Variants in NUBPL observed in about 807,000 individuals in gnomAD.
The protein encoded by NUBPL is iron-sulfur cluster transfer protein NUBPL.
Under a neutral mutation model 45.7 loss-of-function variants are expected in NUBPL, and 31 were observed. The ratio of observed to expected loss-of-function variants is 0.68; its 90% CI spans 0.51 to 0.92. NUBPL has a LOEUF of 0.92. Ranked by LOEUF, NUBPL falls within the 40% of genes least tolerant of loss-of-function variation. The pLI is 0.00. For synonymous variants in NUBPL, 144 were observed against 140.9 expected (o/e 1.02, Z -0.15); for missense variants, 401 against 398.7 (o/e 1.01, Z -0.05).
At position 31,860,714 on chromosome 14, in the gene NUBPL, AT is replaced by A. The variant is rs1420569297; in HGVS notation, c.*1535del. 2.0e-5 allele frequency: 3 copies of A among 152,226 alleles called. No individual in the cohort carries two copies. In the East Asian group the frequency reaches 5.8e-4, roughly 29 times the overall value. 9.4% of individuals were successfully genotyped at this position (152,226 alleles called of 1,614,324 possible). ...GTACATTGATGTTTATTGCAATTTT[AT>A]GTGTAATAACCAAAAACAACCCAGA... On this transcript the variant is annotated 3_prime_UTR_variant, in exon 11 of 11. Transcript: ENST00000281081.
intron 4 of NUBPL, among the ~76,000 whole-genome samples, chr14:31,624,746 G>T (rs920213108): frequency 6.6e-6 from 1 of 152,080 alleles, no homozygotes; most frequent in Admixed American, 6.5e-5. Context: ...TGTATTTTTA[G>T]TAGAGACAGA....
In NUBPL at chr14:31,859,322, T is replaced by G. The variant is rs1566602979; in HGVS notation, c.*142T>G. Reference sequence around the variant, plus strand: ...GGAAAGAATGTCTTCATATTTGACTTGCTAAGCTAAGGTTCACAAAACTTT... The same window carrying G: ...GGAAAGAATGTCTTCATATTTGACTGGCTAAGCTAAGGTTCACAAAACTTT... On this transcript the variant is annotated 3_prime_UTR_variant, in exon 11 of 11. Transcript: ENST00000281081. 4 of 777,778 alleles carry G rather than the reference T, an allele frequency of 5.1e-6. No individual in the cohort carries two copies. The highest frequency in any genetic ancestry group is 8.8e-6 in the Non-Finnish European group (4 of 452,408). 48.2% of individuals were successfully genotyped at this position (777,778 alleles called of 1,614,324 possible).
rs77146771 is a variant in NUBPL, at chr14:31,714,431, C to G, written c.513+40857C>G. 765 of 159,590 alleles carry G rather than the reference C, an allele frequency of 4.8e-3. 20 individuals are homozygous for G. In the East Asian group the frequency reaches 0.058, roughly 12 times the overall value. 9.9% of individuals were successfully genotyped at this position (159,590 alleles called of 1,614,324 possible). The stretch of plus-strand genomic sequence containing the variant: ...CTGGCTGATGGTTCTGCAGGGCATA[C>G]AAAGAAGCATGGTGCCAGCATCTGC... On this transcript the variant is annotated intron_variant, in intron 6 of 10. Transcript: ENST00000281081.
chr14:31,851,677 G>A (rs2040540502), intron 10 of NUBPL, among the ~76,000 whole-genome samples: 3 of 152,052 alleles, frequency 2.0e-5, no homozygotes, highest in Admixed American at 2.0e-4. Context: ...GGTAATTAAA[G>A]TCTGCCAATC....
intron 7 of NUBPL, among the ~76,000 whole-genome samples, chr14:31,803,310 T>C (rs2039626980): frequency 6.6e-6 from 1 of 152,218 alleles, no homozygotes; most frequent in South Asian, 2.1e-4. Flanking sequence ...TAACTATTTT[T>C]TCACTTCCTA....
chr14:31,676,227 TG>T (rs1403526259), intron 6 of NUBPL, among the ~76,000 whole-genome samples: 6 of 152,070 alleles, frequency 3.9e-5, no homozygotes, highest in Non-Finnish European at 5.9e-5. Flanking sequence ...TTCTCCATGT[TG>T]GTTAGGCTGG....
At chr14:31,735,831 G>A (rs6571461) in intron 6 of NUBPL, among the ~76,000 whole-genome samples, 37,098 of 152,086 alleles carry the variant, frequency 0.24, 9,438 homozygotes, top group African/African-American at 0.65. Flanking sequence ...CAGCCTAGGC[G>A]ACAGAGCGAG....
In NUBPL at chr14:31,561,546, A is replaced by T; in HGVS notation, c.107A>T (p.Gln36Leu). The change falls in exon 1 of 11, where the codon CAG becomes CTG. Residue 36 changes from glutamine (Q) to leucine (L), a missense_variant and splice_region_variant. Transcript: ENST00000281081. ...GGSRAMVCGR[Q>L]LSGAGSETLK... Reference sequence around the variant, plus strand: ...AGCCGAGCGATGGTTTGTGGGCGCCAGGTCCGTGGTGCTGCAGGGCAGGGG... The same window carrying T: ...AGCCGAGCGATGGTTTGTGGGCGCCTGGTCCGTGGTGCTGCAGGGCAGGGG... 7.3e-7 allele frequency: 1 copy of T among 1,376,816 alleles called. No individual in the cohort carries two copies. Among genetic ancestry groups the T allele is most frequent in the Non-Finnish European group, 9.5e-7 (1 of 1,058,052 alleles). The allele number at this position is 1,376,816 out of a possible 1,614,324, so 85.3% of individuals were successfully genotyped here.
chr14:31,658,517 C>CTT (rs1174285591), intron 4 of NUBPL, among the ~76,000 whole-genome samples: 2 of 144,256 alleles, frequency 1.4e-5, no homozygotes, highest in African/African-American at 2.5e-5. Context: ...TCTTTAATAG[C>CTT]TTTTTTTTTT....
intron 3 of NUBPL, among the ~76,000 whole-genome samples, chr14:31,583,932 A>G (rs961299716): frequency 2.0e-5 from 3 of 152,182 alleles, no homozygotes; most frequent in East Asian, 1.9e-4. Flanking sequence ...TATTTTCCCA[A>G]TGCATTTGAA....
intron 7 of NUBPL, among the ~76,000 whole-genome samples, chr14:31,808,903 A>G (rs535232775): frequency 6.6e-6 from 1 of 152,248 alleles, no homozygotes; most frequent in Admixed American, 6.5e-5. Context: ...CGTTCTGTTT[A>G]TGTGATGGAT....
At chr14:31,760,764 A>G (rs1248369238) in intron 6 of NUBPL, among the ~76,000 whole-genome samples, 1 of 1,344 alleles carries the variant, frequency 7.4e-4, no homozygotes, top group Non-Finnish European at 0.026. Flanking sequence ...TCATATATTG[A>G]TTAAAAAATT....
chr14:31,703,505 A>G (rs2037381777), intron 6 of NUBPL, among the ~76,000 whole-genome samples: 1 of 152,196 alleles, frequency 6.6e-6, no homozygotes, highest in African/African-American at 2.4e-5. Context: ...TTACAGATCC[A>G]CATGCCTGGG....
chr14:31,749,251 A>G (rs2038468425), intron 6 of NUBPL, among the ~76,000 whole-genome samples: 1 of 151,952 alleles, frequency 6.6e-6, no homozygotes, highest in Non-Finnish European at 1.5e-5. Context: ...GTCTGTAGTG[A>G]TAAGGTTTGA....
chr14:31,620,886 G>A (rs778675560), intron 4 of NUBPL, among the ~76,000 whole-genome samples: 7 of 152,168 alleles, frequency 4.6e-5, no homozygotes, highest in African/African-American at 9.7e-5. Context: ...GCCCACAGCC[G>A]CACCTTCCCC....
At chr14:31,637,413 T>G (rs532356002) in intron 4 of NUBPL, among the ~76,000 whole-genome samples, 8 of 152,232 alleles carry the variant, frequency 5.3e-5, no homozygotes, top group Non-Finnish European at 1.0e-4. Flanking sequence ...GTGAGATTCT[T>G]AATCCTGAGT....
intron 6 of NUBPL, among the ~76,000 whole-genome samples, chr14:31,725,605 C>A (rs1361388790): frequency 1.3e-5 from 2 of 151,790 alleles, no homozygotes; most frequent in African/African-American, 4.8e-5. Flanking sequence ...TCTTTGACTG[C>A]ATTGACTGCA....
chr14:31,700,617 C>T (rs1273970228), intron 6 of NUBPL, among the ~76,000 whole-genome samples: 2 of 152,170 alleles, frequency 1.3e-5, no homozygotes, highest in Admixed American at 1.3e-4. Context: ...TGGGCGCAGG[C>T]TCGGCGGGCC....
At chr14:31,692,922 AC>A (rs2037125076) in intron 6 of NUBPL, among the ~76,000 whole-genome samples, 1 of 152,208 alleles carries the variant, frequency 6.6e-6, no homozygotes, top group Non-Finnish European at 1.5e-5. Flanking sequence ...TCAGTGTTTA[AC>A]AGAATAATTA....
Sources: allele counts gnomAD v4.1 joint callset (sites outside exome capture counted in the v4.1 genomes callset), GRCh38; gene constraint gnomAD v4.1.1; transcripts MANE v1.5; gene names NCBI Gene and HGNC (gene_info 2026-07-23, HGNC 2026-07-21).